Variants in KLHL20 observed in about 807,000 individuals in gnomAD.
KLHL20 encodes kelch-like protein 20.
KLHL20 carries 29 observed loss-of-function variants against 69.5 expected under a neutral mutation model. That is an observed-to-expected ratio of 0.42 (90% CI 0.31 to 0.57). The LOEUF (loss-of-function observed/expected upper bound fraction) is 0.57, where lower values mean the gene tolerates loss of function less well. KLHL20 is among the 20% of genes least tolerant of loss of function. The pLI is 0.18. For synonymous variants in KLHL20, 253 were observed against 265.2 expected, an observed-to-expected ratio of 0.95 and a Z score of 0.45; for missense variants, 419 against 776.0, an observed-to-expected ratio of 0.54 and a Z score of 5.47.
At chr1:173,750,816 C>G (rs1673276862) in intron 3 of KLHL20, among the ~76,000 whole-genome samples, 1 of 152,168 alleles carries the variant, frequency 6.6e-6, no homozygotes, top group Non-Finnish European at 1.5e-5. Flanking sequence ...CTGCCTCAGC[C>G]TCCCAAATTG....
intron 3 of KLHL20, among the ~76,000 whole-genome samples, chr1:173,748,491 C>T (rs1673167293): frequency 6.6e-6 from 1 of 152,160 alleles, no homozygotes. Context: ...CTTATACTCA[C>T]ATTTAATTTC....
intron 7 of KLHL20, among the ~76,000 whole-genome samples, chr1:173,763,866 T>TAAAAA (rs60028962): frequency 0.039 from 4,599 of 119,346 alleles, 222 homozygotes; most frequent in African/African-American, 0.13. Context: ...GCAAATGCAA[T>TAAAAA]AAAAAAAAAA....
chr1:173,722,532 C>T (rs990951246), intron 2 of KLHL20, among the ~76,000 whole-genome samples: 3 of 151,972 alleles, frequency 2.0e-5, no homozygotes, highest in South Asian at 2.1e-4. Flanking sequence ...GTGAGAGGAT[C>T]GCTTCAACCA....
chr1:173,746,847 A>G (rs960063160), intron 3 of KLHL20, among the ~76,000 whole-genome samples: 8 of 151,942 alleles, frequency 5.3e-5, no homozygotes, highest in African/African-American at 1.7e-4. Context: ...TGTATTAACT[A>G]CTATAAGTAT....
chr1:173,767,503 C>T (rs1216903407), intron 8 of KLHL20, among the ~76,000 whole-genome samples: 2 of 152,170 alleles, frequency 1.3e-5, no homozygotes, highest in Non-Finnish European at 2.9e-5. Flanking sequence ...ACATTCTCAT[C>T]AATGGTATGC....
intron 11 of KLHL20, among the ~76,000 whole-genome samples, chr1:173,783,457 C>A (rs2102544006): frequency 6.6e-6 from 1 of 152,294 alleles, no homozygotes; most frequent in South Asian, 2.1e-4. Flanking sequence ...TGCTTTGGAT[C>A]CTACATATGT....
intron 7 of KLHL20, among the ~76,000 whole-genome samples, chr1:173,764,669 T>C (rs1647564530): frequency 6.6e-6 from 1 of 151,998 alleles, no homozygotes. Context: ...ATGTGGGAGC[T>C]AAGCTATGAG....
intron 7 of KLHL20, among the ~76,000 whole-genome samples, chr1:173,763,961 G>A (rs1173403193): frequency 6.6e-6 from 1 of 151,616 alleles, no homozygotes; most frequent in African/African-American, 2.4e-5. Flanking sequence ...AATCCACAGA[G>A]TGTGAGAAAA....
rs1673285085 is a variant in KLHL20, at chr1:173,750,992, A to ACTG, written c.598-770_598-768dup. The stretch of plus-strand genomic sequence containing the variant: ...AGAATCCATCAACTTCATTAGAGGT[A>ACTG]CTGCCTGCACTAATAGACATCACAT... On this transcript the variant is annotated intron_variant, in intron 3 of 11. Transcript: ENST00000209884. Among the ~76,000 whole-genome samples the ACTG allele has an allele frequency of 3.3e-5, 5 of 152,350 alleles. No individual in the cohort carries two copies. In the South Asian group the frequency reaches 1.0e-3, roughly 32 times the overall value.
At chr1:173,760,847 G>C (rs973084262) in intron 7 of KLHL20, among the ~76,000 whole-genome samples, 2 of 152,056 alleles carry the variant, frequency 1.3e-5, no homozygotes, top group Admixed American at 6.6e-5. Context: ...AAAGTACATA[G>C]GCAAGAAAGA....
chr1:173,739,241 T>G (rs1465903181), intron 3 of KLHL20, among the ~76,000 whole-genome samples: 4 of 151,980 alleles, frequency 2.6e-5, no homozygotes, highest in African/African-American at 9.7e-5. Context: ...CCCAGCTAAT[T>G]TTTTGTATGT....
chr1:173,747,852 A>C (rs1673135237), intron 3 of KLHL20, among the ~76,000 whole-genome samples: 1 of 151,784 alleles, frequency 6.6e-6, no homozygotes, highest in South Asian at 2.1e-4. Flanking sequence ...CAGTAGAAGG[A>C]AGAAAATAAT....
At chr1:173,762,074 T>C (rs899852761) in intron 7 of KLHL20, among the ~76,000 whole-genome samples, 1 of 152,106 alleles carries the variant, frequency 6.6e-6, no homozygotes, top group African/African-American at 2.4e-5. Context: ...CAAAAGATCA[T>C]TCAAGGCTAC....
chr1:173,736,198 C>G (rs940606208), intron 3 of KLHL20, among the ~76,000 whole-genome samples: 1 of 151,996 alleles, frequency 6.6e-6, no homozygotes, highest in African/African-American at 2.4e-5. Context: ...CTGTGATCTG[C>G]TTGCCTCAGC....
rs570308111 is a variant in KLHL20 at position 173,722,457 on chromosome 1, A to G, written c.23+6391A>G. ...GGAAACAGAGAGAGTCTTTGTCTCT[A>G]CCAAAAAATTAAAATTAAGCCAGGC... On this transcript the variant is annotated intron_variant, in intron 2 of 11. Transcript: ENST00000209884. Among the ~76,000 whole-genome samples, 22 of 151,946 alleles carry G rather than the reference A, an allele frequency of 1.4e-4. No homozygotes were observed. The East Asian group carries it at 1.6e-3, about 11-fold the overall frequency.
rs191537684 is a variant in KLHL20, at chr1:173,779,044, A to C, written c.1639-3080A>C. 7.9e-5 allele frequency among the ~76,000 whole-genome samples: 12 copies of C among 151,502 alleles called. No homozygotes were observed. In the East Asian group the frequency reaches 2.3e-3, roughly 29 times the overall value. ...TAAGATGCATTGTTATGTTATTTGA[A>C]GTTTTTGTACTTTTTTGATGTAGGC... On this transcript the variant is annotated intron_variant, in intron 10 of 11. Transcript: ENST00000209884.
chr1:173,754,629 C>T (rs1263562106), intron 5 of KLHL20, among the ~76,000 whole-genome samples: 1 of 151,134 alleles, frequency 6.6e-6, no homozygotes, highest in Non-Finnish European at 1.5e-5. Flanking sequence ...AATTAATTCT[C>T]CTAAATATTT....
At chr1:173,780,797 T>A (rs946749289) in intron 10 of KLHL20, among the ~76,000 whole-genome samples, 13 of 152,026 alleles carry the variant, frequency 8.6e-5, no homozygotes, top group Non-Finnish European at 1.6e-4. Flanking sequence ...GTGTGCGATC[T>A]TGGCTCACTG....
intron 4 of KLHL20, among the ~76,000 whole-genome samples, chr1:173,752,683 T>C (rs1206168208): frequency 3.3e-5 from 5 of 152,226 alleles, no homozygotes; most frequent in African/African-American, 1.2e-4. Context: ...GATATTCTTC[T>C]GGATTGTGAA....
Sources: allele counts gnomAD v4.1 joint callset (sites outside exome capture counted in the v4.1 genomes callset), GRCh38; gene constraint gnomAD v4.1.1; transcripts MANE v1.5; gene names NCBI Gene and HGNC (gene_info 2026-07-23, HGNC 2026-07-21).